GABRB1: variants seen among roughly 807,000 people sequenced by gnomAD.
The protein encoded by GABRB1 is gamma-aminobutyric acid receptor subunit beta-1.
In GABRB1, 17 loss-of-function variants were observed where a neutral mutation model predicts 51.6. That is an observed-to-expected ratio of 0.33 (90% CI 0.23 to 0.49). The LOEUF (loss-of-function observed/expected upper bound fraction) is 0.49. Ranked by LOEUF, GABRB1 falls within the 20% of genes least tolerant of loss-of-function variation. The pLI, the probability that GABRB1 is intolerant of heterozygous loss-of-function variation, is 0.99. For missense variants in GABRB1, 410 were observed against 600.6 expected (o/e 0.68, Z 3.32); for synonymous variants, 247 against 218.9 (o/e 1.13, Z -1.14).
intron 4 of GABRB1, among the ~76,000 whole-genome samples, chr4:47,311,878 G>A (rs1724701040): frequency 6.6e-6 from 1 of 152,088 alleles, no homozygotes; most frequent in Non-Finnish European, 1.5e-5. Flanking sequence ...GGAGTCCAAT[G>A]CCCTCCCCGA....
rs181150632 is a variant in GABRB1 at position 47,337,616 on chromosome 4, C to A, written c.544+17407C>A. On this transcript the variant is annotated intron_variant, in intron 5 of 8. Coordinates refer to ENST00000295454, the MANE Select transcript of GABRB1 (RefSeq NM_000812.4). The stretch of plus-strand genomic sequence containing the variant: ...GGTCAGGAGTTCGAGACCAACCTGG[C>A]AAGCAGGTTTAGTAGAAACCCCGCC... 3.8e-4 allele frequency among the ~76,000 whole-genome samples: 57 copies of A among 151,816 alleles called. No homozygotes were observed. In the East Asian group the frequency reaches 0.011, roughly 28 times the overall value.
chr4:47,311,881 C>T (rs1236345255), intron 4 of GABRB1, among the ~76,000 whole-genome samples: 4 of 152,192 alleles, frequency 2.6e-5, no homozygotes, highest in East Asian at 1.9e-4. Context: ...GTCCAATGCC[C>T]TCCCCGAGAT....
intron 4 of GABRB1, among the ~76,000 whole-genome samples, chr4:47,300,590 A>G (rs1324189470): frequency 6.6e-6 from 1 of 152,138 alleles, no homozygotes; most frequent in Non-Finnish European, 1.5e-5. Context: ...TAATTTGTCA[A>G]TGCTCTCATA....
chr4:47,419,489 G>T (rs939973343), intron 8 of GABRB1, among the ~76,000 whole-genome samples: 1 of 152,206 alleles, frequency 6.6e-6, no homozygotes, highest in African/African-American at 2.4e-5. Context: ...AAAGGGCACT[G>T]ATAACCTGCA....
At chr4:47,342,098 G>C (rs1479807558) in intron 5 of GABRB1, among the ~76,000 whole-genome samples, 1 of 152,166 alleles carries the variant, frequency 6.6e-6, no homozygotes, top group Non-Finnish European at 1.5e-5. Flanking sequence ...GATTCAGTGA[G>C]CATATCCTAT....
chr4:47,417,783 C>T (rs1728977270), intron 8 of GABRB1, among the ~76,000 whole-genome samples: 1 of 152,210 alleles, frequency 6.6e-6, no homozygotes, highest in Non-Finnish European at 1.5e-5. Context: ...GGAAATAACT[C>T]ACTGTTTGCA....
At chr4:47,018,270 C>T (rs1297399277) in intron 1 of GABRB1, among the ~76,000 whole-genome samples, 1 of 151,780 alleles carries the variant, frequency 6.6e-6, no homozygotes, top group Non-Finnish European at 1.5e-5. Flanking sequence ...TCTGTCTGGC[C>T]TCAAGTCATC....
At chr4:47,202,112 A>G (rs1282778565) in intron 4 of GABRB1, among the ~76,000 whole-genome samples, 1 of 152,024 alleles carries the variant, frequency 6.6e-6, no homozygotes, top group Non-Finnish European at 1.5e-5. Context: ...CATAATCCCC[A>G]TTTGTTAAGA....
At chr4:47,000,885 G>A (rs1724158075) in intron 1 of GABRB1, among the ~76,000 whole-genome samples, 2 of 152,304 alleles carry the variant, frequency 1.3e-5, no homozygotes, top group Admixed American at 1.3e-4. Context: ...CTATTGGTCA[G>A]AGCAGGTAAC....
chr4:47,334,861 A>T (rs1725636683), intron 5 of GABRB1, among the ~76,000 whole-genome samples: 1 of 152,164 alleles, frequency 6.6e-6, no homozygotes, highest in African/African-American at 2.4e-5. Flanking sequence ...GTTTCTCATG[A>T]TGTGTTAAAG....
chr4:47,379,618 A>G (rs1322971626), intron 5 of GABRB1, among the ~76,000 whole-genome samples: 2 of 152,208 alleles, frequency 1.3e-5, no homozygotes, highest in Non-Finnish European at 2.9e-5. Context: ...TCTGTGTACT[A>G]TACTATAGCT....
At chr4:47,386,680 A>G (rs1350577657) in intron 5 of GABRB1, among the ~76,000 whole-genome samples, 1 of 152,154 alleles carries the variant, frequency 6.6e-6, no homozygotes, top group Admixed American at 6.6e-5. Flanking sequence ...AGTACACCAC[A>G]TGGCTATTTG....
chr4:47,176,217 A>G (rs1178452638), intron 4 of GABRB1, among the ~76,000 whole-genome samples: 1 of 152,128 alleles, frequency 6.6e-6, no homozygotes, highest in Non-Finnish European at 1.5e-5. Context: ...AGAAAACAGA[A>G]CTATTCAACT....
At chr4:47,037,675 T>A (rs1213900761) in intron 3 of GABRB1, among the ~76,000 whole-genome samples, 2 of 152,080 alleles carry the variant, frequency 1.3e-5, no homozygotes, top group Non-Finnish European at 2.9e-5. Context: ...GGTATTATAG[T>A]GTGAAATACA....
intron 5 of GABRB1, among the ~76,000 whole-genome samples, chr4:47,328,988 T>G (rs965548811): frequency 6.6e-6 from 1 of 152,054 alleles, no homozygotes; most frequent in Non-Finnish European, 1.5e-5. Context: ...GAAATTGTTC[T>G]GAGAAAATGG....
intron 1 of GABRB1, among the ~76,000 whole-genome samples, chr4:46,998,317 C>G (rs1169422100): frequency 6.6e-6 from 1 of 152,080 alleles, no homozygotes; most frequent in Non-Finnish European, 1.5e-5. Context: ...TCAAGTTGGA[C>G]ATTAAGACAA....
intron 5 of GABRB1, among the ~76,000 whole-genome samples, chr4:47,355,046 C>T (rs372359640): frequency 1.6e-3 from 202 of 130,304 alleles, no homozygotes; most frequent in African/African-American, 5.7e-3. Context: ...AGTGCAGTGG[C>T]GCGATCTTGG....
At chr4:47,008,853 C>CTTTTTTTT (rs1491180948) in intron 1 of GABRB1, among the ~76,000 whole-genome samples, 7 of 80,066 alleles carry the variant, frequency 8.7e-5, no homozygotes, top group African/African-American at 2.1e-4. Flanking sequence ...CAGATACTAC[C>CTTTTTTTT]TTTTTTTTTT....
Position 47,050,254 on chromosome 4 carries a change from C to T in GABRB1, c.240+17770C>T, listed in dbSNP as rs533492756. On this transcript the variant is annotated intron_variant, in intron 3 of 8. Coordinates refer to ENST00000295454, the MANE Select transcript of GABRB1 (RefSeq NM_000812.4). Reference sequence around the variant, plus strand: ...AACTTCAAGAAAGTTACCAGTTAGGCATAATGCATTGTGGATTTCACTGAG... The same window carrying T: ...AACTTCAAGAAAGTTACCAGTTAGGTATAATGCATTGTGGATTTCACTGAG... 5.3e-5 allele frequency among the ~76,000 whole-genome samples: 8 copies of T among 152,194 alleles called. No individual in the cohort carries two copies. In the South Asian group the frequency reaches 1.7e-3, roughly 32 times the overall value.
Sources: gnomAD v4.1 joint callset for allele counts (sites outside exome capture counted in the v4.1 genomes callset) on GRCh38, gnomAD v4.1.1 for gene constraint, MANE v1.5 for transcripts, NCBI Gene and HGNC (gene_info 2026-07-23, HGNC 2026-07-21) for gene names.